NCAPD3: variants seen among roughly 807,000 people sequenced by gnomAD.
NCAPD3 encodes non-SMC condensin II complex subunit D3, also known as condensin-2 complex subunit D3.
Under a neutral mutation model 182.9 loss-of-function variants are expected in NCAPD3, and 105 were observed. That is an observed-to-expected ratio of 0.57 (90% CI 0.49 to 0.68). NCAPD3 has a LOEUF of 0.68. Among genes scored for constraint, NCAPD3 ranks in the 30% least tolerant of loss-of-function variants. NCAPD3 has a pLI of 0.00. For synonymous variants in NCAPD3, 815 were observed against 679.9 expected, an observed-to-expected ratio of 1.20 and a Z score of -3.09; for missense variants, 1,944 against 1,837.0, an observed-to-expected ratio of 1.06 and a Z score of -1.07.
intron 13 of NCAPD3, among the ~76,000 whole-genome samples, chr11:134,195,892 C>G (rs78085611): frequency 6.6e-6 from 1 of 152,042 alleles, no homozygotes; most frequent in Admixed American, 6.5e-5. Context: ...AATATACATT[C>G]GTGAGGAAAT....
Position 134,167,974 on chromosome 11 carries a change from C to G in NCAPD3, c.3573+22G>C, listed in dbSNP as rs140076182. The G allele has an allele frequency of 2.5e-6, 4 of 1,610,280 alleles. No homozygotes were observed. The African/African-American group carries it at 5.4e-5, about 22-fold the overall frequency. ...GCACACTCACTTGTGAGAAGATGAT[C>G]TTAGGGGAGCAACACACTCACTTGT... On this transcript the variant is annotated intron_variant, in intron 27 of 34. Transcript: ENST00000534548.
intron 20 of NCAPD3, 66 bp from the exon 21 acceptor site, chr11:134,179,002 G>T: frequency 9.3e-7 from 1 of 1,072,726 alleles, no homozygotes; most frequent in Non-Finnish European, 1.4e-6. Flanking sequence ...GCTAGATTAA[G>T]GACATGTCAA....
rs1565519788 is a variant in NCAPD3 at position 134,161,901 on chromosome 11, C to A, written c.3574-10G>T. 2.9e-6 allele frequency: 4 copies of A among 1,386,016 alleles called. No individual in the cohort carries two copies. Among genetic ancestry groups the A allele is most frequent in the Non-Finnish European group, 4.0e-6 (4 of 993,902 alleles). 85.9% of individuals were successfully genotyped at this position (1,386,016 alleles called of 1,614,324 possible). On this transcript the variant is annotated splice_polypyrimidine_tract_variant and intron_variant, in intron 27 of 34. Coordinates refer to ENST00000534548, the MANE Select transcript of NCAPD3 (RefSeq NM_015261.3). ...AATTCCTCTTCTGAACCTGGTAACA[C>A]AAACAAAGACATGTTTTAGATGTAT...
chr11:134,216,397 T>C lies in NCAPD3; in HGVS notation c.382+539A>G, dbSNP rs192634361. 3.3e-4 allele frequency among the ~76,000 whole-genome samples: 50 copies of C among 152,338 alleles called. No homozygotes were observed. In the East Asian group the frequency reaches 8.1e-3, roughly 25 times the overall value. On this transcript the variant is annotated intron_variant, in intron 3 of 34. Coordinates refer to ENST00000534548, the MANE Select transcript of NCAPD3 (RefSeq NM_015261.3). ...CCTGTGTTTGGAGTAGGGAAGAGAA[T>C]GGATTTCACTGTCATAGGAGGAACA...
intron 32 of NCAPD3, among the ~76,000 whole-genome samples, chr11:134,154,746 A>C (rs1026059556): frequency 6.6e-6 from 1 of 152,208 alleles, no homozygotes; most frequent in Non-Finnish European, 1.5e-5. Context: ...ACATGCGAGG[A>C]GGCAGCTTCA....
At chr11:134,188,982 G>A (rs1348906237) in intron 16 of NCAPD3, among the ~76,000 whole-genome samples, 1 of 152,152 alleles carries the variant, frequency 6.6e-6, no homozygotes, top group Non-Finnish European at 1.5e-5. Flanking sequence ...CCAGAACTGT[G>A]AGAAAATAAA....
Position 134,192,845 on chromosome 11 carries a change from T to A in NCAPD3, c.1889A>T (p.Asp630Val). The change falls in exon 16 of 35, where the codon GAC (aspartate) becomes GTC (valine). Residue 630 changes from aspartate to valine, a missense_variant. Asp to Val is a radical substitution (Grantham distance 152). Transcript: ENST00000534548. ...CTTCTCCTGCACAGTGCTCTCGCAG[T>A]CCATCACCACCGGGACCACCCCCCG... ...WLRGVVPVVM[D>V]CESTVQEKAL... is the part of the protein sequence containing the mutation. 6.2e-7 allele frequency: 1 copy of A among 1,614,092 alleles called. No homozygotes were observed. Among genetic ancestry groups the A allele is most frequent in the Non-Finnish European group, 8.5e-7 (1 of 1,179,942 alleles).
chr11:134,168,817 G>C, intron 25 of NCAPD3, 100 bp downstream of exon 25: 1 of 1,464,812 alleles, frequency 6.8e-7, no homozygotes, highest in Non-Finnish European at 9.2e-7. Context: ...ACCTGGGGCA[G>C]GGTCTGCGTC....
At chr11:134,165,014 C>G (rs543560823) in intron 27 of NCAPD3, among the ~76,000 whole-genome samples, 39 of 149,030 alleles carry the variant, frequency 2.6e-4, no homozygotes, top group African/African-American at 9.7e-4. Context: ...AAGCTGCACA[C>G]CCACTTGTGA....
intron 23 of NCAPD3, among the ~76,000 whole-genome samples, chr11:134,177,001 G>A (rs1341674349): frequency 3.9e-5 from 6 of 152,214 alleles, no homozygotes; most frequent in Non-Finnish European, 4.4e-5. Flanking sequence ...CTCACTGCTT[G>A]ACAGGATGTC....
chr11:134,209,545 T>C, intron 4 of NCAPD3, 68 bp from the exon 5 acceptor site: 1 of 1,464,080 alleles, frequency 6.8e-7, no homozygotes, highest in Non-Finnish European at 9.3e-7. Flanking sequence ...GGTTTTCAAT[T>C]TACCCAAACC....
At position 134,177,673 on chromosome 11, in the gene NCAPD3, T is replaced by C. The variant is rs187257313; in HGVS notation, c.2783-216A>G. 563 of 570,572 alleles carry C rather than the reference T, an allele frequency of 9.9e-4. 2 individuals are homozygous for C. The highest frequency in any genetic ancestry group is 9.7e-3 in the African/African-American group (520 of 53,558). The allele number at this position is 570,572 out of a possible 1,614,324, so 35.3% of individuals were successfully genotyped here. ...AGAAATAAACTCCCCAGGAGTTATATACTATGGGATGTTCCTTTACACTAA... is the reference window on the plus strand; with the variant it reads ...AGAAATAAACTCCCCAGGAGTTATACACTATGGGATGTTCCTTTACACTAA... On this transcript the variant is annotated intron_variant, in intron 22 of 34. Transcript: ENST00000534548.
rs1204650331 is a variant in NCAPD3 at position 134,203,772 on chromosome 11, A to C, written c.1350T>G (p.Phe450Leu). The C allele has an allele frequency of 6.2e-7, 1 of 1,614,210 alleles. No homozygotes were observed. Among genetic ancestry groups the C allele is most frequent in the Non-Finnish European group, 8.5e-7 (1 of 1,180,040 alleles). ...TAGGCGCCTTGTCTAAGCAACGATC[A>C]AACATAATTTCCTGCACCAGGAACT... ...KHKFLVQEIM[F>L]DRCLDKAPTV... The change falls in exon 11 of 35, where the codon TTT (phenylalanine) becomes TTG (leucine). Residue 450 changes from phenylalanine to leucine, a missense_variant. By Grantham distance (22) the Phe-to-Leu change is conservative. This residue lies in a region of NCAPD3 where 1,803 missense variants were observed against 1,674.6 expected (regional missense o/e 1.08). Transcript: ENST00000534548.
intron 13 of NCAPD3, among the ~76,000 whole-genome samples, chr11:134,201,402 T>A (rs1323353038): frequency 6.6e-6 from 1 of 152,124 alleles, no homozygotes; most frequent in Non-Finnish European, 1.5e-5. Flanking sequence ...GAGTGACTGC[T>A]AATGGCTATG....
chr11:134,209,579 G>A, intron 4 of NCAPD3, 102 bp from the exon 5 acceptor site: 1 of 1,116,954 alleles, frequency 9.0e-7, no homozygotes, highest in Non-Finnish European at 1.3e-6. Flanking sequence ...CTCCAGGCAG[G>A]AGCTGATGTT....
At chr11:134,225,104 C>A, upstream of NCAPD3, 1 of 1,584,322 alleles carries the variant, frequency 6.3e-7, no homozygotes, top group Non-Finnish European at 8.6e-7. Context: ...TACCGAGACC[C>A]GCCCGGCCCG....
intron 16 of NCAPD3, among the ~76,000 whole-genome samples, chr11:134,188,219 A>G (rs935833655): frequency 1.2e-4 from 18 of 151,986 alleles, no homozygotes; most frequent in African/African-American, 4.1e-4. Context: ...CTGTAAAAAC[A>G]CACCAATCAG....
chr11:134,154,894 C>A (rs889010374), intron 32 of NCAPD3, among the ~76,000 whole-genome samples: 1 of 152,198 alleles, frequency 6.6e-6, no homozygotes, highest in Non-Finnish European at 1.5e-5. Flanking sequence ...TAGAGAATTC[C>A]TCATCACTGC....
chr11:134,169,176 T>A, intron 24 of NCAPD3, 122 bp from the exon 25 acceptor site: 1 of 989,604 alleles, frequency 1.0e-6, no homozygotes, highest in South Asian at 2.5e-5. Context: ...TCAAAATCTA[T>A]CCCAATAAAC....
Sources: allele counts gnomAD v4.1 joint callset (sites outside exome capture counted in the v4.1 genomes callset), GRCh38; gene constraint gnomAD v4.1.1; regional missense constraint gnomAD v4.1.1; transcripts MANE v1.5; gene names NCBI Gene and HGNC (gene_info 2026-07-23, HGNC 2026-07-21).